BMP6: variants seen among roughly 807,000 people sequenced by gnomAD.
BMP6 encodes the protein bone morphogenetic protein 6, also known as VG-1-R.
Under a neutral mutation model 54.1 loss-of-function variants are expected in BMP6, and 17 were observed. The ratio of observed to expected loss-of-function variants is 0.31; its 90% confidence interval spans 0.22 to 0.47. BMP6 has a LOEUF of 0.47. Among genes scored for constraint, BMP6 ranks in the 20% least tolerant of loss-of-function variants. The probability of loss-of-function intolerance (pLI) is 1.00; values close to 1 mark genes in which losing one functional copy is unlikely to be tolerated. For missense variants in BMP6, 720 were observed against 690.4 expected (o/e 1.04, Z -0.48); for synonymous variants, 328 against 291.2 (o/e 1.13, Z -1.28).
intron 1 of BMP6, among the ~76,000 whole-genome samples, chr6:7,759,567 G>A (rs1313974842): frequency 6.6e-6 from 1 of 151,284 alleles, no homozygotes; most frequent in Non-Finnish European, 1.5e-5. Context: ...CTAAACTCTT[G>A]CCTTGAACCT....
intron 2 of BMP6, among the ~76,000 whole-genome samples, chr6:7,852,528 G>C (rs1759159401): frequency 6.6e-6 from 1 of 152,268 alleles, no homozygotes; most frequent in Non-Finnish European, 1.5e-5. Context: ...AGTGAGCTAT[G>C]ATTGCACCAC....
chr6:7,777,682 A>G (rs1355468251), intron 1 of BMP6, among the ~76,000 whole-genome samples: 3 of 35,890 alleles, frequency 8.4e-5, no homozygotes, highest in African/African-American at 5.1e-4. Context: ...CATCACTAAT[A>G]AAAAAAAAAA....
rs536968965 is a variant in BMP6 at position 7,851,203 on chromosome 6, T to C, written c.857+5871T>C. On this transcript the variant is annotated intron_variant, in intron 2 of 6. Coordinates refer to ENST00000283147, the MANE Select transcript of BMP6 (RefSeq NM_001718.6). ...AATTGCACTAAATCTAGAGATCAAT[T>C]TGGGAAGGATTTACATCTCATCGAT... 3.9e-5 allele frequency among the ~76,000 whole-genome samples: 6 copies of C among 152,310 alleles called. No homozygotes were observed. In the South Asian group the frequency reaches 8.3e-4, roughly 21 times the overall value.
At chr6:7,789,161 C>T (rs1758059812) in intron 1 of BMP6, among the ~76,000 whole-genome samples, 1 of 152,162 alleles carries the variant, frequency 6.6e-6, no homozygotes, top group South Asian at 2.1e-4. Context: ...GTTCATCTCG[C>T]ACAGCAGGGA....
chr6:7,838,571 C>T (rs970087920), intron 1 of BMP6, among the ~76,000 whole-genome samples: 1 of 152,144 alleles, frequency 6.6e-6, no homozygotes, highest in Non-Finnish European at 1.5e-5. Flanking sequence ...AACTGGACTC[C>T]AACATCAGAC....
chr6:7,748,828 T>A (rs1470419312), intron 1 of BMP6, among the ~76,000 whole-genome samples: 1 of 152,254 alleles, frequency 6.6e-6, no homozygotes, highest in South Asian at 2.1e-4. Flanking sequence ...AGTCCTCTAA[T>A]GCTCTTGCAT....
At chr6:7,868,063 G>A (rs1276511908) in intron 4 of BMP6, among the ~76,000 whole-genome samples, 2 of 152,216 alleles carry the variant, frequency 1.3e-5, no homozygotes, top group South Asian at 2.1e-4. Context: ...AGTATAGAAG[G>A]TGCTTAGAGC....
At chr6:7,817,539 A>G (rs932269053) in intron 1 of BMP6, among the ~76,000 whole-genome samples, 22 of 133,952 alleles carry the variant, frequency 1.6e-4, no homozygotes, top group Admixed American at 7.2e-4. Flanking sequence ...ACACTTGGAC[A>G]CAGGGCGGGG....
At chr6:7,766,332 G>T (rs1757687536) in intron 1 of BMP6, among the ~76,000 whole-genome samples, 1 of 152,170 alleles carries the variant, frequency 6.6e-6, no homozygotes, top group Non-Finnish European at 1.5e-5. Flanking sequence ...AAATCACTAG[G>T]CTGGGTGTGG....
At chr6:7,870,070 C>T (rs139591130) in intron 4 of BMP6, among the ~76,000 whole-genome samples, 136 of 152,288 alleles carry the variant, frequency 8.9e-4, no homozygotes, top group African/African-American at 3.1e-3. Context: ...CCCTCCCATC[C>T]GCTGGACTCC....
intron 1 of BMP6, among the ~76,000 whole-genome samples, chr6:7,733,153 G>T (rs1002158229): frequency 2.4e-4 from 37 of 152,226 alleles, no homozygotes; most frequent in African/African-American, 6.7e-4. Flanking sequence ...TGATCTGCCT[G>T]CCTTGGCCAC....
chr6:7,842,385 T>A (rs1284087553), intron 1 of BMP6, among the ~76,000 whole-genome samples: 1 of 152,114 alleles, frequency 6.6e-6, no homozygotes, highest in Non-Finnish European at 1.5e-5. Flanking sequence ...CTCTCTCTTC[T>A]CCCACCCACC....
At chr6:7,769,074 A>G (rs988956901) in intron 1 of BMP6, among the ~76,000 whole-genome samples, 2 of 152,206 alleles carry the variant, frequency 1.3e-5, no homozygotes, top group Admixed American at 6.5e-5. Context: ...AAGCACATTC[A>G]CTGAGTATGT....
chr6:7,771,821 G>A (rs1054560515), intron 1 of BMP6, among the ~76,000 whole-genome samples: 2 of 152,144 alleles, frequency 1.3e-5, no homozygotes, highest in African/African-American at 4.8e-5. Context: ...GGGAGGCCGA[G>A]GCGGGTGGAT....
intron 1 of BMP6, among the ~76,000 whole-genome samples, chr6:7,834,681 A>G (rs1371267773): frequency 6.6e-6 from 1 of 152,136 alleles, no homozygotes; most frequent in Non-Finnish European, 1.5e-5. Flanking sequence ...ACCCAAAAAA[A>G]ATAAGAACAA....
At chr6:7,847,862 G>A (rs978257601) in intron 2 of BMP6, among the ~76,000 whole-genome samples, 5 of 152,064 alleles carry the variant, frequency 3.3e-5, no homozygotes, top group South Asian at 2.1e-4. Flanking sequence ...TTGAATAGAC[G>A]GTACTTTTAG....
intron 1 of BMP6, among the ~76,000 whole-genome samples, chr6:7,841,309 A>G (rs929931942): frequency 7.2e-5 from 11 of 152,148 alleles, no homozygotes; most frequent in African/African-American, 2.2e-4. Context: ...TAATGGGTAT[A>G]AAGTAGGTAC....
At chr6:7,746,113 A>G (rs1757342562) in intron 1 of BMP6, among the ~76,000 whole-genome samples, 1 of 152,172 alleles carries the variant, frequency 6.6e-6, no homozygotes, top group Non-Finnish European at 1.5e-5. Flanking sequence ...CGCCGGAGGA[A>G]TGCATCAGGG....
intron 1 of BMP6, among the ~76,000 whole-genome samples, chr6:7,833,372 G>A (rs1758821134): frequency 6.6e-6 from 1 of 152,178 alleles, no homozygotes. Flanking sequence ...AACAAGAGTT[G>A]ATGATTAATT....
Sources: allele counts gnomAD v4.1 joint callset (sites outside exome capture counted in the v4.1 genomes callset), GRCh38; gene constraint gnomAD v4.1.1; transcripts MANE v1.5; gene names NCBI Gene and HGNC (gene_info 2026-07-23, HGNC 2026-07-21).